Variants in DOCK9 observed in about 807,000 individuals in gnomAD.
DOCK9 encodes dedicator of cytokinesis protein 9.
DOCK9 carries 89 observed loss-of-function variants against 263.3 expected under a neutral mutation model. The observed-to-expected ratio is 0.34, with a 90% CI of 0.28 to 0.40. DOCK9 has a LOEUF of 0.40. Among genes scored for constraint, DOCK9 ranks in the 10% least tolerant of loss-of-function variants. The pLI, the probability that DOCK9 is intolerant of heterozygous loss-of-function variation, is 1.00. For synonymous variants in DOCK9, 976 were observed against 973.1 expected (o/e 1.00, Z -0.06); for missense variants, 2,140 against 2,603.4 (o/e 0.82, Z 3.87).
intron 1 of DOCK9, among the ~76,000 whole-genome samples, chr13:98,964,415 G>A (rs1010182421): frequency 4.6e-5 from 7 of 152,192 alleles, no homozygotes; most frequent in Admixed American, 3.9e-4. Flanking sequence ...TGATCAATGA[G>A]TTGAACAAGC....
intron 38 of DOCK9, among the ~76,000 whole-genome samples, chr13:98,841,408 G>A (rs1325067896): frequency 6.6e-6 from 1 of 152,106 alleles, no homozygotes; most frequent in East Asian, 1.9e-4. Flanking sequence ...ACAAATGACT[G>A]ACTTTAAACA....
At chr13:98,863,236 T>C in intron 31 of DOCK9, 104 bp from the exon 32 acceptor site, 1 of 1,480,834 alleles carries the variant, frequency 6.8e-7, no homozygotes, top group East Asian at 2.3e-5. Context: ...TAAAGACAGA[T>C]ATTTGATTTT....
At chr13:98,855,222 G>A (rs1194275326) in intron 34 of DOCK9, among the ~76,000 whole-genome samples, 1 of 152,206 alleles carries the variant, frequency 6.6e-6, no homozygotes, top group Non-Finnish European at 1.5e-5. Flanking sequence ...GCTGGCTTCA[G>A]ACCTAACACC....
chr13:98,976,901 C>T (rs2060329648), intron 1 of DOCK9, among the ~76,000 whole-genome samples: 1 of 151,162 alleles, frequency 6.6e-6, no homozygotes, highest in African/African-American at 2.4e-5. Context: ...AGTAAGCAAA[C>T]ACTTCATGGT....
chr13:98,865,273 T>C (rs927113297), intron 30 of DOCK9, among the ~76,000 whole-genome samples: 6 of 152,126 alleles, frequency 3.9e-5, no homozygotes, highest in South Asian at 2.1e-4. Flanking sequence ...GGTTTTGTTA[T>C]GCTTCCCAGG....
intron 1 of DOCK9, among the ~76,000 whole-genome samples, chr13:99,034,034 T>A (rs772923132): frequency 1.3e-5 from 2 of 152,138 alleles, no homozygotes; most frequent in Non-Finnish European, 2.9e-5. Flanking sequence ...TAATGGAAGA[T>A]CCTCAGGATG....
chr13:99,006,457 A>T (rs1445243624), intron 1 of DOCK9, among the ~76,000 whole-genome samples: 2 of 152,390 alleles, frequency 1.3e-5, no homozygotes, highest in Non-Finnish European at 2.9e-5. Context: ...AACAACAGAG[A>T]AGTATTTAAA....
At chr13:99,013,410 C>G (rs1208031084) in intron 1 of DOCK9, among the ~76,000 whole-genome samples, 2 of 152,222 alleles carry the variant, frequency 1.3e-5, no homozygotes, top group Non-Finnish European at 2.9e-5. Flanking sequence ...CCACCACACA[C>G]CTGGCCATGA....
intron 45 of DOCK9, among the ~76,000 whole-genome samples, chr13:98,813,411 T>TA (rs928341999): frequency 7.2e-5 from 11 of 152,072 alleles, no homozygotes; most frequent in African/African-American, 1.9e-4. Context: ...CTCATTTTTT[T>TA]AAAAAAATTA....
intron 1 of DOCK9, among the ~76,000 whole-genome samples, chr13:99,036,456 T>G (rs1887891403): frequency 6.6e-6 from 1 of 152,184 alleles, no homozygotes; most frequent in Non-Finnish European, 1.5e-5. Flanking sequence ...AACCCAACCA[T>G]GCTGGCACCA....
At chr13:98,886,667 A>G (rs2045738964) in intron 18 of DOCK9, 43 bp from the exon 19 acceptor site, 1 of 1,567,918 alleles carries the variant, frequency 6.4e-7, no homozygotes, top group Non-Finnish European at 8.8e-7. Flanking sequence ...GGTTCGATTA[A>G]GTAAGAAATT....
intron 45 of DOCK9, among the ~76,000 whole-genome samples, chr13:98,823,368 C>G (rs1410314168): frequency 6.6e-6 from 1 of 152,164 alleles, no homozygotes; most frequent in African/African-American, 2.4e-5. Flanking sequence ...GACTTATGGC[C>G]TAGCTCATGT....
intron 19 of DOCK9, 30 bp downstream of exon 19, chr13:98,886,502 A>T (rs761288162): frequency 1.8e-5 from 29 of 1,599,960 alleles, no homozygotes; most frequent in Non-Finnish European, 2.5e-5. Context: ...AACTGGTCAA[A>T]TTCGGTTTTC....
intron 1 of DOCK9, among the ~76,000 whole-genome samples, chr13:99,066,531 T>C (rs996008147): frequency 6.6e-6 from 1 of 152,208 alleles, no homozygotes; most frequent in Non-Finnish European, 1.5e-5. Flanking sequence ...ATAAATTTAA[T>C]ATGTTAATAT....
intron 2 of DOCK9, among the ~76,000 whole-genome samples, chr13:98,935,393 T>A (rs2054647780): frequency 6.6e-6 from 1 of 152,146 alleles, no homozygotes; most frequent in Non-Finnish European, 1.5e-5. Flanking sequence ...AAAGTCCACA[T>A]CTGGGATAAG....
Position 98,884,996 on chromosome 13 carries a change from C to T in DOCK9, c.2357G>A (p.Gly786Asp), listed in dbSNP as rs1468738353. The T allele has an allele frequency of 1.9e-6, 3 of 1,613,496 alleles. No individual in the cohort carries two copies. Among genetic ancestry groups the T allele is most frequent in the Admixed American group, 1.7e-5 (1 of 59,956 alleles). The change falls in exon 21 of 53, where the codon GGC (glycine) becomes GAC (aspartate). Residue 786 changes from glycine (G) to aspartate (D), a missense_variant. Gly to Asp is a moderately conservative substitution (Grantham distance 94). Coordinates refer to ENST00000682017, the MANE Select transcript of DOCK9 (RefSeq NM_001366683.2). ...VSANLPSGYL[G>D]YQELGMGRHY... is the part of the protein sequence containing the mutation. The stretch of plus-strand genomic sequence containing the variant: ...CCTGCCCATCCCAAGCTCCTGGTAG[C>T]CAAGATAGCCCGAAGGAAGGTTCGC...
intron 33 of DOCK9, chr13:98,857,974 C>A (rs999539746): frequency 6.6e-6 from 1 of 152,092 alleles, no homozygotes; most frequent in Non-Finnish European, 1.5e-5. Context: ...TTGAAGAACA[C>A]AGAAGTCATG....
intron 2 of DOCK9, among the ~76,000 whole-genome samples, chr13:98,946,471 A>C (rs2056731306): frequency 6.6e-6 from 1 of 152,082 alleles, no homozygotes; most frequent in South Asian, 2.1e-4. Flanking sequence ...CTCCCTCAGC[A>C]CAATCTGCCG....
intron 2 of DOCK9, among the ~76,000 whole-genome samples, chr13:98,945,650 G>C (rs961710766): frequency 4.6e-5 from 7 of 152,118 alleles, no homozygotes; most frequent in Non-Finnish European, 1.5e-5. Context: ...ATTCCCAGGT[G>C]ACTGACATTT....
Sources: allele counts gnomAD v4.1 joint callset (sites outside exome capture counted in the v4.1 genomes callset), GRCh38; gene constraint gnomAD v4.1.1; transcripts MANE v1.5; gene names NCBI Gene and HGNC (gene_info 2026-07-23, HGNC 2026-07-21).